Variants in CBFA2T2 observed in about 807,000 individuals in gnomAD.
CBFA2T2 encodes protein CBFA2T2.
CBFA2T2 carries 11 observed loss-of-function variants against 62.2 expected under a neutral mutation model. The ratio of observed to expected loss-of-function variants is 0.18; its 90% confidence interval spans 0.11 to 0.29. CBFA2T2 has a LOEUF of 0.29. Ranked by LOEUF, CBFA2T2 falls within the 10% of genes least tolerant of loss-of-function variation. The probability of loss-of-function intolerance (pLI) is 1.00; values close to 1 mark genes in which losing one functional copy is unlikely to be tolerated. For synonymous variants in CBFA2T2, 295 were observed against 287.5 expected (o/e 1.03, Z -0.27); for missense variants, 592 against 774.1 (o/e 0.76, Z 2.79).
chr20:33,635,421 G>A (rs1321045737), intron 8 of CBFA2T2, among the ~76,000 whole-genome samples: 1 of 152,208 alleles, frequency 6.6e-6, no homozygotes, highest in South Asian at 2.1e-4. Context: ...CTAGGCTGGT[G>A]AAGGAGAGCC....
chr20:33,630,131 A>T (rs545912307), intron 8 of CBFA2T2, among the ~76,000 whole-genome samples: 5 of 152,182 alleles, frequency 3.3e-5, no homozygotes, highest in African/African-American at 1.2e-4. Flanking sequence ...TTTGTTTTGG[A>T]TAGACAGGAT....
chr20:33,588,195 C>G (rs1482647912), intron 1 of CBFA2T2, among the ~76,000 whole-genome samples: 1 of 152,050 alleles, frequency 6.6e-6, no homozygotes, highest in African/African-American at 2.4e-5. Context: ...CTCTTGACCC[C>G]TTTATTATTA....
rs2017049918 is a variant in CBFA2T2 at position 33,646,364 on chromosome 20, C to T, written c.*1718C>T. 1 of 152,264 alleles carries T rather than the reference C, an allele frequency of 6.6e-6. No homozygotes were observed. The highest frequency in any genetic ancestry group is 1.5e-5 in the Non-Finnish European group (1 of 68,124). The allele number at this position is 152,264 out of a possible 1,614,324, so 9.4% of individuals were successfully genotyped here. Reference sequence around the variant, plus strand: ...CCTCCTGCTCTCCATCTTTGAGCCTCTGGCATCCTCTCACACCCAGAAATC... The same window carrying T: ...CCTCCTGCTCTCCATCTTTGAGCCTTTGGCATCCTCTCACACCCAGAAATC... On this transcript the variant is annotated 3_prime_UTR_variant, in exon 11 of 11. Coordinates refer to ENST00000342704, the MANE Select transcript of CBFA2T2 (RefSeq NM_001032999.3).
intron 1 of CBFA2T2, among the ~76,000 whole-genome samples, chr20:33,583,368 G>A (rs2014205593): frequency 6.6e-6 from 1 of 152,170 alleles, no homozygotes. Flanking sequence ...CCATAACCTT[G>A]CCTGGATTTC....
At position 33,647,536 on chromosome 20, in the gene CBFA2T2, G is replaced by C. The variant is rs1017139754; in HGVS notation, c.*2890G>C. 1 of 152,136 alleles carries C rather than the reference G, an allele frequency of 6.6e-6. No homozygotes were observed. The highest frequency in any genetic ancestry group is 1.5e-5 in the Non-Finnish European group (1 of 68,036). The allele number at this position is 152,136 out of a possible 1,614,324, so 9.4% of individuals were successfully genotyped here. On this transcript the variant is annotated 3_prime_UTR_variant, in exon 11 of 11. Coordinates refer to ENST00000342704, the MANE Select transcript of CBFA2T2 (RefSeq NM_001032999.3). ...GGACCTCAGGTGATCCCCCCACCTT[G>C]GCCTCCCAAAGTGCCAGGATTACAG...
intron 1 of CBFA2T2, among the ~76,000 whole-genome samples, chr20:33,516,964 A>G (rs762981930): frequency 6.6e-6 from 1 of 152,232 alleles, no homozygotes; most frequent in Non-Finnish European, 1.5e-5. Flanking sequence ...TGATTTGCTC[A>G]GTGTTAGTAG....
At chr20:33,608,963 C>A (rs934100970) in intron 2 of CBFA2T2, among the ~76,000 whole-genome samples, 3 of 152,096 alleles carry the variant, frequency 2.0e-5, no homozygotes, top group Non-Finnish European at 4.4e-5. Context: ...GTTCAACTTT[C>A]CTTTCATTAG....
intron 1 of CBFA2T2, among the ~76,000 whole-genome samples, chr20:33,560,732 C>A (rs2013053474): frequency 6.6e-6 from 1 of 152,112 alleles, no homozygotes; most frequent in African/African-American, 2.4e-5. Context: ...TATAACCACA[C>A]CTGTTTGACT....
At chr20:33,562,836 AT>A (rs1273795000) in intron 1 of CBFA2T2, among the ~76,000 whole-genome samples, 1 of 152,036 alleles carries the variant, frequency 6.6e-6, no homozygotes, top group Non-Finnish European at 1.5e-5. Context: ...CATTTTATTT[AT>A]GTTTCTATTT....
At chr20:33,545,277 T>C (rs1361207972) in intron 1 of CBFA2T2, among the ~76,000 whole-genome samples, 2 of 152,162 alleles carry the variant, frequency 1.3e-5, no homozygotes, top group African/African-American at 4.8e-5. Flanking sequence ...GATTGCTTGA[T>C]CAGTTTTTGA....
At position 33,625,033 on chromosome 20, in the gene CBFA2T2, A is replaced by G. The variant is rs754260647; in HGVS notation, c.946+16A>G. 6.2e-6 allele frequency: 10 copies of G among 1,604,188 alleles called. No homozygotes were observed. The highest frequency in any genetic ancestry group is 1.7e-5 in the Admixed American group (1 of 59,680). On this transcript the variant is annotated intron_variant, in intron 6 of 10. Transcript: ENST00000342704. ...CACAGTCTTGGTAAGCAACCGAAGCAGCATGGTAAATTCAGACTGGATTCT... is the reference window on the plus strand; with the variant it reads ...CACAGTCTTGGTAAGCAACCGAAGCGGCATGGTAAATTCAGACTGGATTCT...
intron 1 of CBFA2T2, among the ~76,000 whole-genome samples, chr20:33,497,308 C>A (rs1290376053): frequency 7.0e-6 from 1 of 142,916 alleles, no homozygotes; most frequent in African/African-American, 2.5e-5. Context: ...AGAATGTGGT[C>A]CTTTCTGTGT....
At chr20:33,585,761 C>A (rs1365680501) in intron 1 of CBFA2T2, among the ~76,000 whole-genome samples, 4 of 152,198 alleles carry the variant, frequency 2.6e-5, no homozygotes, top group Admixed American at 2.6e-4. Flanking sequence ...TGGAAGCGAA[C>A]AAGCATGTAG....
chr20:33,617,244 A>C (rs989616911), intron 3 of CBFA2T2, among the ~76,000 whole-genome samples: 2 of 152,052 alleles, frequency 1.3e-5, no homozygotes, highest in Non-Finnish European at 2.9e-5. Context: ...TGAAAAAAAA[A>C]AATTTTTAAG....
intron 1 of CBFA2T2, among the ~76,000 whole-genome samples, chr20:33,528,809 G>T (rs544911968): frequency 3.5e-4 from 53 of 152,198 alleles, no homozygotes; most frequent in Middle Eastern, 3.4e-3. Context: ...AAAGTGTTGG[G>T]ATTACAGGCG....
intron 1 of CBFA2T2, among the ~76,000 whole-genome samples, chr20:33,553,081 A>G (rs1454690548): frequency 2.0e-5 from 3 of 152,166 alleles, no homozygotes; most frequent in Non-Finnish European, 4.4e-5. Flanking sequence ...TAATTACATT[A>G]CTTTTCTCAA....
intron 1 of CBFA2T2, among the ~76,000 whole-genome samples, chr20:33,538,000 TAAAA>T (rs78359687): frequency 1.4e-5 from 2 of 141,142 alleles, no homozygotes; most frequent in Admixed American, 7.1e-5. Flanking sequence ...CTCAATTTCT[TAAAA>T]AAAAAAAAAA....
At chr20:33,640,282 C>G (rs540405271) in intron 9 of CBFA2T2, 59 bp from the exon 10 acceptor site, 1 of 1,481,868 alleles carries the variant, frequency 6.7e-7, no homozygotes, top group East Asian at 2.4e-5. Flanking sequence ...TTAGAATTGC[C>G]GTGGGATGGG....
chr20:33,603,395 C>T (rs1191935803), intron 1 of CBFA2T2, among the ~76,000 whole-genome samples: 1 of 152,186 alleles, frequency 6.6e-6, no homozygotes, highest in Non-Finnish European at 1.5e-5. Context: ...TCTTTGGCTT[C>T]CCATGGTTTA....
Sources: gnomAD v4.1 joint callset for allele counts (sites outside exome capture counted in the v4.1 genomes callset) on GRCh38, gnomAD v4.1.1 for gene constraint, MANE v1.5 for transcripts, NCBI Gene and HGNC (gene_info 2026-07-23, HGNC 2026-07-21) for gene names.